Variants in MARCHF1 observed in about 807,000 individuals in gnomAD.
The protein encoded by MARCHF1 is E3 ubiquitin-protein ligase MARCHF1.
A neutral mutation model predicts 54.2 loss-of-function variants in MARCHF1; 40 were observed. The ratio of observed to expected loss-of-function variants is 0.74; its 90% CI spans 0.57 to 0.96. The LOEUF is 0.96. MARCHF1 is among the 40% of genes least tolerant of loss of function. The pLI is 0.00. For synonymous variants in MARCHF1, 236 were observed against 236.3 expected, an observed-to-expected ratio of 1.00 and a Z score of 0.01; for missense variants, 586 against 656.5, an observed-to-expected ratio of 0.89 and a Z score of 1.17.
At chr4:163,697,780 A>G (rs1744682088) in intron 5 of MARCHF1, among the ~76,000 whole-genome samples, 1 of 152,206 alleles carries the variant, frequency 6.6e-6, no homozygotes, top group Non-Finnish European at 1.5e-5. Context: ...TTTATTGTTG[A>G]ATATATGTAT....
intron 1 of MARCHF1, among the ~76,000 whole-genome samples, chr4:164,362,587 C>T (rs1288940042): frequency 6.6e-6 from 1 of 152,194 alleles, no homozygotes; most frequent in East Asian, 1.9e-4. Flanking sequence ...GAAATTTTCT[C>T]GCATAAACCA....
At chr4:164,052,690 G>C (rs907739546) in intron 2 of MARCHF1, among the ~76,000 whole-genome samples, 3 of 152,114 alleles carry the variant, frequency 2.0e-5, no homozygotes, top group Non-Finnish European at 4.4e-5. Context: ...CACCCCCATG[G>C]AACAGGGAAG....
intron 3 of MARCHF1, among the ~76,000 whole-genome samples, chr4:163,881,468 T>G (rs910878588): frequency 6.9e-6 from 1 of 145,832 alleles, no homozygotes; most frequent in Non-Finnish European, 1.5e-5. Flanking sequence ...CGAGACTCCA[T>G]CTCAAAAGAA....
chr4:163,524,903 CTTT>C lies in MARCHF1; in HGVS notation c.*3842_*3844del, dbSNP rs1738044720. 1 of 152,130 alleles carries C rather than the reference CTTT, an allele frequency of 6.6e-6. No individual in the cohort carries two copies. Among genetic ancestry groups the C allele is most frequent in the African/African-American group, 2.4e-5 (1 of 41,434 alleles). The allele number at this position is 152,130 out of a possible 1,614,324, so 9.4% of individuals were successfully genotyped here. Reference sequence around the variant, plus strand: ...CACACAGTTAAAATAATTTTTCCTTCTTTGTTTTAATGCAGTATCCAGTTTCAA... The same window carrying C: ...CACACAGTTAAAATAATTTTTCCTTCGTTTTAATGCAGTATCCAGTTTCAA... On this transcript the variant is annotated 3_prime_UTR_variant, in exon 10 of 10. Transcript: ENST00000514618.
chr4:164,340,409 A>ATACATACATC (rs1729884594), intron 1 of MARCHF1, among the ~76,000 whole-genome samples: 1 of 117,422 alleles, frequency 8.5e-6, no homozygotes, highest in African/African-American at 3.2e-5. Context: ...CTTGATTTAT[A>ATACATACATC]TATAGATATA....
At chr4:164,103,885 A>G (rs1256205233) in intron 2 of MARCHF1, among the ~76,000 whole-genome samples, 1 of 142,620 alleles carries the variant, frequency 7.0e-6, no homozygotes, top group Non-Finnish European at 1.5e-5. Context: ...TAATAAAGAA[A>G]AAAAGAGAGA....
At chr4:163,629,303 G>C (rs986621366) in intron 5 of MARCHF1, among the ~76,000 whole-genome samples, 2 of 152,154 alleles carry the variant, frequency 1.3e-5, no homozygotes, top group Non-Finnish European at 2.9e-5. Context: ...ACAAGCAATG[G>C]GGAAAGGGGT....
chr4:163,898,586 G>A (rs147450728), intron 3 of MARCHF1, among the ~76,000 whole-genome samples: 70 of 152,260 alleles, frequency 4.6e-4, no homozygotes, highest in Non-Finnish European at 9.3e-4. Context: ...CTGTTGGTGC[G>A]AGTGTAAATT....
chr4:163,726,379 T>G (rs1745653691), intron 4 of MARCHF1, among the ~76,000 whole-genome samples: 1 of 152,248 alleles, frequency 6.6e-6, no homozygotes, highest in Non-Finnish European at 1.5e-5. Context: ...ATGTAGTCTT[T>G]TCAGATTGAC....
chr4:164,197,903 T>C (rs1164435184), intron 1 of MARCHF1, among the ~76,000 whole-genome samples: 1 of 152,124 alleles, frequency 6.6e-6, no homozygotes, highest in Non-Finnish European at 1.5e-5. Flanking sequence ...ATTATTCAAG[T>C]ATATGGATCT....
chr4:164,018,746 C>T (rs1237034323), intron 2 of MARCHF1, among the ~76,000 whole-genome samples: 2 of 151,976 alleles, frequency 1.3e-5, no homozygotes, highest in Non-Finnish European at 2.9e-5. Context: ...AACTTTCTGC[C>T]TTTTATTGCT....
Position 164,227,722 on chromosome 4 carries a change from T to G in MARCHF1, c.-322-116060A>C, listed in dbSNP as rs79634580. On this transcript the variant is annotated intron_variant, in intron 1 of 9. Transcript: ENST00000514618. ...TTGTACCTACTCAATGTTGTTAATT[T>G]AAAAAAAAACTATATGTTTACACTC... Among the ~76,000 whole-genome samples the G allele has an allele frequency of 4.0e-4, 60 of 151,600 alleles. 1 individual carries two copies. In the East Asian group the frequency reaches 9.1e-3, roughly 23 times the overall value.
At chr4:164,330,464 T>C (rs77110164) in intron 1 of MARCHF1, among the ~76,000 whole-genome samples, 16,914 of 152,170 alleles carry the variant, frequency 0.11, 1,534 homozygotes, top group East Asian at 0.29. Flanking sequence ...CATATGTCCA[T>C]AAAACCCACC....
chr4:164,379,184 T>C (rs139747046), intron 1 of MARCHF1, among the ~76,000 whole-genome samples: 21 of 152,208 alleles, frequency 1.4e-4, no homozygotes, highest in African/African-American at 3.1e-4. Context: ...TTGGAATCTA[T>C]AGAAAAAATC....
Position 164,293,735 on chromosome 4 carries a change from A to G in MARCHF1, c.-323+90135T>C, listed in dbSNP as rs560071227. Among the ~76,000 whole-genome samples the G allele has an allele frequency of 2.2e-4, 33 of 152,356 alleles. No individual in the cohort carries two copies. The South Asian group carries it at 6.8e-3, about 32-fold the overall frequency. ...TAGAATCGAGTGACTCTTTGTTATA[A>G]AATAAAAAGACTACATGTGCTGTGC... On this transcript the variant is annotated intron_variant, in intron 1 of 9. Transcript: ENST00000514618.
At chr4:164,083,636 G>A (rs780498188) in intron 2 of MARCHF1, among the ~76,000 whole-genome samples, 3 of 152,048 alleles carry the variant, frequency 2.0e-5, no homozygotes, top group Admixed American at 6.6e-5. Context: ...TGTATTTCAC[G>A]GCATTCCCTC....
chr4:163,613,033 G>T lies in MARCHF1; in HGVS notation c.248C>A (p.Ala83Asp). Residue 83 changes from alanine to aspartate, a missense_variant, in exon 7 of 10, where the codon GCC becomes GAC. This residue lies in a region of MARCHF1 where 387 missense variants were observed against 394.6 expected (regional missense o/e 0.98). Coordinates refer to ENST00000514618, the MANE Select transcript of MARCHF1 (RefSeq NM_001394959.1). ...CPSTQDICRS[A>D]ILHDMSEESF... ...CTCTTCTGACATGTCATGCAAGATG[G>T]CAGATCTAGACAGAGCAGCAGGCAA... 1 of 1,499,956 alleles carries T rather than the reference G, an allele frequency of 6.7e-7. No homozygotes were observed. The highest frequency in any genetic ancestry group is 8.8e-7 in the Non-Finnish European group (1 of 1,133,528). 92.9% of individuals were successfully genotyped at this position (1,499,956 alleles called of 1,614,324 possible).
At chr4:163,904,695 C>T (rs1448048324) in intron 3 of MARCHF1, among the ~76,000 whole-genome samples, 2 of 152,056 alleles carry the variant, frequency 1.3e-5, no homozygotes, top group Non-Finnish European at 2.9e-5. Flanking sequence ...GAATAGGTCC[C>T]ACTCTCTAGG....
intron 5 of MARCHF1, among the ~76,000 whole-genome samples, chr4:163,681,595 C>A (rs1242016869): frequency 6.6e-6 from 1 of 152,040 alleles, no homozygotes; most frequent in Non-Finnish European, 1.5e-5. Context: ...ACTCATGAGA[C>A]CTGATGGTTT....
Sources: gnomAD v4.1 joint callset for allele counts (sites outside exome capture counted in the v4.1 genomes callset) on GRCh38, gnomAD v4.1.1 for gene constraint, gnomAD v4.1.1 regional missense constraint, MANE v1.5 for transcripts, NCBI Gene and HGNC (gene_info 2026-07-23, HGNC 2026-07-21) for gene names.